XPR1: variants seen among roughly 807,000 people sequenced by gnomAD.
The protein encoded by XPR1 is solute carrier family 53 member 1.
In XPR1, 28 loss-of-function variants were observed where a neutral mutation model predicts 87.5. That is an observed-to-expected ratio of 0.32 (90% CI 0.24 to 0.44). The LOEUF is 0.44. Among genes scored for constraint, XPR1 ranks in the 20% least tolerant of loss-of-function variants. The pLI is 1.00. For synonymous variants in XPR1, 300 were observed against 306.1 expected (o/e 0.98, Z 0.21); for missense variants, 559 against 862.3 (o/e 0.65, Z 4.41).
At chr1:180,780,329 G>C (rs984835928) in intron 2 of XPR1, among the ~76,000 whole-genome samples, 2 of 152,050 alleles carry the variant, frequency 1.3e-5, no homozygotes, top group Middle Eastern at 3.2e-3. Flanking sequence ...ACTTGTTATT[G>C]CCTTTTTAAA....
At chr1:180,686,551 C>G (rs557517056) in intron 2 of XPR1, among the ~76,000 whole-genome samples, 5 of 152,242 alleles carry the variant, frequency 3.3e-5, no homozygotes, top group Non-Finnish European at 5.9e-5. Flanking sequence ...TGTTAGCTTT[C>G]TGTCTCGTTG....
intron 10 of XPR1, among the ~76,000 whole-genome samples, chr1:180,835,297 T>C (rs917844399): frequency 3.3e-5 from 5 of 152,248 alleles, no homozygotes; most frequent in Admixed American, 3.3e-4. Context: ...TCTAAAACTT[T>C]CTTCTAGCAC....
At chr1:180,793,434 G>A (rs1045672310) in intron 3 of XPR1, among the ~76,000 whole-genome samples, 2 of 152,016 alleles carry the variant, frequency 1.3e-5, no homozygotes, top group Non-Finnish European at 2.9e-5. Flanking sequence ...AATGATACAT[G>A]TGTCTAGTAT....
chr1:180,860,915 A>T (rs1023422014), intron 11 of XPR1, among the ~76,000 whole-genome samples: 1 of 152,084 alleles, frequency 6.6e-6, no homozygotes, highest in Non-Finnish European at 1.5e-5. Flanking sequence ...TCTAGGAGAA[A>T]TACCAGAAAA....
intron 12 of XPR1, among the ~76,000 whole-genome samples, chr1:180,864,557 A>T (rs1193397074): frequency 2.0e-5 from 3 of 152,122 alleles, no homozygotes; most frequent in African/African-American, 7.2e-5. Flanking sequence ...TGATTGCATC[A>T]AGAAGACTTC....
chr1:180,858,864 G>A (rs774440139), intron 11 of XPR1, among the ~76,000 whole-genome samples: 3 of 152,036 alleles, frequency 2.0e-5, no homozygotes, highest in Non-Finnish European at 2.9e-5. Context: ...ACTAAAGATC[G>A]GGGAATATCT....
chr1:180,738,463 T>C (rs962139614), intron 2 of XPR1, among the ~76,000 whole-genome samples: 1 of 152,350 alleles, frequency 6.6e-6, no homozygotes, highest in Admixed American at 6.5e-5. Context: ...TTTGTATAAA[T>C]AGGATCTCAT....
At chr1:180,883,078 T>G (rs1170509979) in intron 14 of XPR1, among the ~76,000 whole-genome samples, 1 of 149,762 alleles carries the variant, frequency 6.7e-6, no homozygotes, top group Non-Finnish European at 1.5e-5. Context: ...TCCTCCTTCC[T>G]CAGCTTCCTG....
At chr1:180,858,583 G>C (rs968186035) in intron 11 of XPR1, among the ~76,000 whole-genome samples, 7 of 152,170 alleles carry the variant, frequency 4.6e-5, no homozygotes, top group Non-Finnish European at 8.8e-5. Context: ...CCCCCATTTA[G>C]CCTTAGGCCC....
chr1:180,714,550 G>T (rs918527176), intron 2 of XPR1, among the ~76,000 whole-genome samples: 4 of 151,826 alleles, frequency 2.6e-5, no homozygotes, highest in Non-Finnish European at 5.9e-5. Context: ...GGCTACAGAC[G>T]CATGCCACCA....
At position 180,790,776 on chromosome 1, in the gene XPR1, C is replaced by T. The variant is rs537236206; in HGVS notation, c.223+2922C>T. On this transcript the variant is annotated intron_variant, in intron 3 of 14. Transcript: ENST00000367590. ...CAGGGTGGTCTTGATCTCCTGACCTCGTGATCCGCCTGCCTCAGCCTCCCA... is the reference window on the plus strand; with the variant it reads ...CAGGGTGGTCTTGATCTCCTGACCTTGTGATCCGCCTGCCTCAGCCTCCCA... Among the ~76,000 whole-genome samples the T allele has an allele frequency of 5.1e-4, 78 of 152,184 alleles. No individual in the cohort carries two copies. The South Asian group carries it at 0.016, about 30-fold the overall frequency.
intron 2 of XPR1, among the ~76,000 whole-genome samples, chr1:180,686,743 G>C (rs1370753926): frequency 2.6e-5 from 4 of 152,116 alleles, no homozygotes; most frequent in Non-Finnish European, 5.9e-5. Flanking sequence ...TTATTCTAGT[G>C]ACAAGCTATT....
chr1:180,753,217 G>A (rs6700926), intron 2 of XPR1, among the ~76,000 whole-genome samples: 81,307 of 151,940 alleles, frequency 0.54, 22,254 homozygotes, highest in African/African-American at 0.63. Context: ...TAGAAATTCA[G>A]CAAATAATAA....
At position 180,803,523 on chromosome 1, in the gene XPR1, A is replaced by G; in HGVS notation, c.359A>G (p.Glu120Gly). The G allele has an allele frequency of 6.2e-7, 1 of 1,613,888 alleles. No homozygotes were observed. Reference protein sequence around the residue: ...RRKPVFHLSHEERVQHRNIKD... With the variant: ...RRKPVFHLSHGERVQHRNIKD... The stretch of plus-strand genomic sequence containing the variant: ...AAGCCAGTCTTCCACTTGTCCCATG[A>G]GGAACGTGTCCAACATAGAAATATT... The change falls in exon 4 of 15, where the codon GAG becomes GGG. Residue 120 changes from glutamate to glycine, a missense_variant. By Grantham distance (98) the Glu-to-Gly change is moderately conservative. Around this residue, in one of 7 missense-constraint regions of XPR1, gnomAD observed 159 missense variants for 263.3 expected, o/e 0.60. Coordinates refer to ENST00000367590, the MANE Select transcript of XPR1 (RefSeq NM_004736.4).
At chr1:180,756,551 A>T (rs1647756775) in intron 2 of XPR1, among the ~76,000 whole-genome samples, 1 of 152,158 alleles carries the variant, frequency 6.6e-6, no homozygotes, top group Non-Finnish European at 1.5e-5. Context: ...GTATTGGCAA[A>T]TATTTTCTCC....
chr1:180,800,310 C>T (rs977861242), intron 3 of XPR1, among the ~76,000 whole-genome samples: 6 of 152,206 alleles, frequency 3.9e-5, no homozygotes, highest in Non-Finnish European at 8.8e-5. Context: ...AAGTTTGTCA[C>T]TCCTAGGGAA....
intron 2 of XPR1, among the ~76,000 whole-genome samples, chr1:180,724,799 T>C (rs1365913862): frequency 1.3e-5 from 2 of 152,244 alleles, no homozygotes; most frequent in Non-Finnish European, 2.9e-5. Context: ...TAATATCTGC[T>C]TTAATATTTC....
At chr1:180,693,964 G>A (rs1191986292) in intron 2 of XPR1, among the ~76,000 whole-genome samples, 1 of 152,022 alleles carries the variant, frequency 6.6e-6, no homozygotes, top group African/African-American at 2.4e-5. Flanking sequence ...TTTTGTTGTT[G>A]TTGTTGTTTT....
chr1:180,776,084 G>T (rs1648705398), intron 2 of XPR1, among the ~76,000 whole-genome samples: 1 of 152,234 alleles, frequency 6.6e-6, no homozygotes, highest in East Asian at 1.9e-4. Flanking sequence ...CTCATTGTAG[G>T]TATTAAGAAA....
Sources: gnomAD v4.1 joint callset for allele counts (sites outside exome capture counted in the v4.1 genomes callset) on GRCh38, gnomAD v4.1.1 for gene constraint, gnomAD v4.1.1 regional missense constraint, MANE v1.5 for transcripts, NCBI Gene and HGNC (gene_info 2026-07-23, HGNC 2026-07-21) for gene names.